Variants in ARNT2 observed in about 807,000 individuals in gnomAD.
ARNT2 encodes the protein aryl hydrocarbon receptor nuclear translocator 2.
ARNT2 carries 36 observed loss-of-function variants against 91.7 expected under a neutral mutation model. The ratio of observed to expected loss-of-function variants is 0.39; its 90% CI spans 0.30 to 0.52. The LOEUF is 0.52. Among genes scored for constraint, ARNT2 ranks in the 20% least tolerant of loss-of-function variants. The probability of loss-of-function intolerance (pLI) is 0.72; values close to 1 mark genes in which losing one functional copy is unlikely to be tolerated. For missense variants in ARNT2, 775 were observed against 939.3 expected (o/e 0.83, Z 2.29); for synonymous variants, 365 against 347.1 (o/e 1.05, Z -0.57).
At chr15:80,472,256 T>C (rs1896742579) in intron 4 of ARNT2, among the ~76,000 whole-genome samples, 1 of 152,022 alleles carries the variant, frequency 6.6e-6, no homozygotes, top group Non-Finnish European at 1.5e-5. Context: ...AGTGGAAGTG[T>C]CCTGGTATTA....
intron 11 of ARNT2, among the ~76,000 whole-genome samples, chr15:80,557,519 T>C (rs1367321947): frequency 1.3e-5 from 2 of 152,098 alleles, no homozygotes; most frequent in Non-Finnish European, 2.9e-5. Context: ...CCTTAACACC[T>C]GGGTGATGAA....
intron 1 of ARNT2, among the ~76,000 whole-genome samples, chr15:80,418,250 A>G (rs890836548): frequency 2.9e-4 from 44 of 152,202 alleles, no homozygotes; most frequent in African/African-American, 1.0e-3. Context: ...TGTGTGCAGG[A>G]TCATAAGCTG....
In ARNT2 at chr15:80,411,053, C is replaced by T. The variant is rs550092989; in HGVS notation, c.31+6507C>T. On this transcript the variant is annotated intron_variant, in intron 1 of 18. Coordinates refer to ENST00000303329, the MANE Select transcript of ARNT2 (RefSeq NM_014862.4). The stretch of plus-strand genomic sequence containing the variant: ...CACTGTCCCTCCTTCCCTACCCTTA[C>T]CCCCTCCTCACTCCTAACCATTTTC... Among the ~76,000 whole-genome samples, 5 of 152,278 alleles carry T rather than the reference C, an allele frequency of 3.3e-5. No individual in the cohort carries two copies. In the South Asian group the frequency reaches 1.0e-3, roughly 32 times the overall value.
At chr15:80,512,455 C>T (rs1050465533) in intron 6 of ARNT2, among the ~76,000 whole-genome samples, 2 of 152,204 alleles carry the variant, frequency 1.3e-5, no homozygotes, top group Non-Finnish European at 2.9e-5. Context: ...ACGCATGTCT[C>T]CATTTAACTT....
At chr15:80,498,523 C>G (rs1391565352) in intron 5 of ARNT2, among the ~76,000 whole-genome samples, 1 of 152,102 alleles carries the variant, frequency 6.6e-6, no homozygotes, top group African/African-American at 2.4e-5. Context: ...CTAGGCTGTC[C>G]CAGCCAAAGC....
At chr15:80,487,154 C>T (rs994894628) in intron 5 of ARNT2, among the ~76,000 whole-genome samples, 1 of 152,184 alleles carries the variant, frequency 6.6e-6, no homozygotes, top group South Asian at 2.1e-4. Context: ...CTGTACTTCT[C>T]CCTGCTTCTC....
At chr15:80,506,962 T>C (rs1595990225) in intron 5 of ARNT2, among the ~76,000 whole-genome samples, 2 of 152,230 alleles carry the variant, frequency 1.3e-5, no homozygotes, top group Middle Eastern at 6.8e-3. Flanking sequence ...TAGAGAGCCC[T>C]TGTGGCCTGG....
intron 4 of ARNT2, among the ~76,000 whole-genome samples, chr15:80,471,648 A>C (rs1896733322): frequency 6.6e-6 from 1 of 152,120 alleles, no homozygotes; most frequent in Non-Finnish European, 1.5e-5. Context: ...GTTTTCTGTG[A>C]AATATCTCAT....
chr15:80,565,821 C>G (rs4778816), intron 12 of ARNT2, among the ~76,000 whole-genome samples: 67,532 of 151,850 alleles, frequency 0.44, 15,503 homozygotes, highest in Non-Finnish European at 0.5. Flanking sequence ...CTCTCCTATT[C>G]TGTAGATTGT....
At chr15:80,491,827 T>C (rs1051671301) in intron 5 of ARNT2, among the ~76,000 whole-genome samples, 1 of 136,894 alleles carries the variant, frequency 7.3e-6, no homozygotes, top group African/African-American at 2.8e-5. Flanking sequence ...TTTTTAAGTA[T>C]AGGCATATTC....
intron 9 of ARNT2, 30 bp from the exon 10 acceptor site, chr15:80,552,610 C>G: frequency 6.2e-7 from 1 of 1,610,168 alleles, no homozygotes; most frequent in Non-Finnish European, 8.5e-7. Flanking sequence ...CTGTCAACAC[C>G]ACCTCAACTG....
At chr15:80,461,090 G>A (rs2096353152) in intron 3 of ARNT2, among the ~76,000 whole-genome samples, 1 of 152,190 alleles carries the variant, frequency 6.6e-6, no homozygotes, top group Admixed American at 6.5e-5. Context: ...GTGCCTGAGA[G>A]CGAAGTTTAG....
At chr15:80,580,060 A>C in intron 15 of ARNT2, 1 of 197,072 alleles carries the variant, frequency 5.1e-6, no homozygotes. Context: ...TTTTTATTCT[A>C]AGAAGCTTCT....
intron 17 of ARNT2, among the ~76,000 whole-genome samples, chr15:80,582,198 A>G (rs1898811421): frequency 6.6e-6 from 1 of 152,158 alleles, no homozygotes; most frequent in Non-Finnish European, 1.5e-5. Flanking sequence ...AGCCTTATGA[A>G]CAATTCTGTG....
In ARNT2 at chr15:80,404,668, T is replaced by A; in HGVS notation, c.31+122T>A. ...AGCCGCAGCTCGGCGCGGTGGGTGGTGGAGCGGCTGTCACTACGCGGCAGC... is the reference window on the plus strand; with the variant it reads ...AGCCGCAGCTCGGCGCGGTGGGTGGAGGAGCGGCTGTCACTACGCGGCAGC... On this transcript the variant is annotated intron_variant, in intron 1 of 18. Coordinates refer to ENST00000303329, the MANE Select transcript of ARNT2 (RefSeq NM_014862.4). The surrounding 1 kb of genome is among the most constrained non-coding windows in gnomAD (Gnocchi z 5.5). 1 of 585,942 alleles carries A rather than the reference T, an allele frequency of 1.7e-6. No homozygotes were observed. The highest frequency in any genetic ancestry group is 7.6e-5 in the South Asian group (1 of 13,244). 36.3% of individuals were successfully genotyped at this position (585,942 alleles called of 1,614,324 possible). A position where few individuals can be genotyped will look rare whatever the true frequency, so the allele number is the denominator to read the frequency against.
chr15:80,454,013 G>A (rs1896444665), intron 2 of ARNT2, among the ~76,000 whole-genome samples: 1 of 152,210 alleles, frequency 6.6e-6, no homozygotes, highest in Admixed American at 6.5e-5. Flanking sequence ...CTCCCGCCGG[G>A]CCTAGCACTG....
At chr15:80,416,864 C>A (rs534160161) in intron 1 of ARNT2, among the ~76,000 whole-genome samples, 1 of 152,034 alleles carries the variant, frequency 6.6e-6, no homozygotes, top group Non-Finnish European at 1.5e-5. Context: ...AAGTCAAGGT[C>A]GTGTATAGAC....
At chr15:80,506,734 C>T (rs994732232) in intron 5 of ARNT2, among the ~76,000 whole-genome samples, 27 of 152,128 alleles carry the variant, frequency 1.8e-4, no homozygotes, top group African/African-American at 5.8e-4. Flanking sequence ...AGTGGAAAGT[C>T]GCCAAGGGTC....
At chr15:80,423,477 G>C (rs1239539860) in intron 1 of ARNT2, among the ~76,000 whole-genome samples, 1 of 152,150 alleles carries the variant, frequency 6.6e-6, no homozygotes, top group Non-Finnish European at 1.5e-5. Flanking sequence ...AGTGTCTACT[G>C]AGATAAGCAT....
Sources: allele counts gnomAD v4.1 joint callset (sites outside exome capture counted in the v4.1 genomes callset), GRCh38; gene constraint gnomAD v4.1.1; non-coding constraint Gnocchi (gnomAD v3.1); transcripts MANE v1.5; gene names NCBI Gene and HGNC (gene_info 2026-07-23, HGNC 2026-07-21).